KIAA1958: variants seen among roughly 807,000 people sequenced by gnomAD.
KIAA1958 encodes KIAA1958, also known as uncharacterized protein KIAA1958.
A neutral mutation model predicts 47.2 loss-of-function variants in KIAA1958; 14 were observed. The ratio of observed to expected loss-of-function variants is 0.30; its 90% confidence interval spans 0.20 to 0.46. The LOEUF is 0.46. Among genes scored for constraint, KIAA1958 ranks in the 20% least tolerant of loss-of-function variants. The probability of loss-of-function intolerance (pLI) is 1.00; values close to 1 mark genes in which losing one functional copy is unlikely to be tolerated. For synonymous variants in KIAA1958, 354 were observed against 353.3 expected, an observed-to-expected ratio of 1.00 and a Z score of -0.02; for missense variants, 803 against 909.2, an observed-to-expected ratio of 0.88 and a Z score of 1.50.
intron 2 of KIAA1958, among the ~76,000 whole-genome samples, chr9:112,629,163 T>C (rs1836667976): frequency 6.6e-6 from 1 of 152,278 alleles, no homozygotes; most frequent in African/African-American, 2.4e-5. Context: ...GATTTATCAA[T>C]TTAGTCACTA....
At position 112,665,463 on chromosome 9, in the gene KIAA1958, G is replaced by C. The variant is rs1837340790; in HGVS notation, c.*5394G>C. On this transcript the variant is annotated 3_prime_UTR_variant, in exon 4 of 4. Coordinates refer to ENST00000337530, the MANE Select transcript of KIAA1958 (RefSeq NM_133465.4). ...CTGAAAATCTCACCGATAAGTTGGA[G>C]AATTTAAGTTTGTAAGTTGGAGAAT... The C allele has an allele frequency of 6.6e-6, 1 of 152,188 alleles. No individual in the cohort carries two copies. The highest frequency in any genetic ancestry group is 2.4e-5 in the African/African-American group (1 of 41,446). 9.4% of individuals were successfully genotyped at this position (152,188 alleles called of 1,614,324 possible). A position where few individuals can be genotyped will look rare whatever the true frequency, so the allele number is the denominator to read the frequency against.
intron 1 of KIAA1958, among the ~76,000 whole-genome samples, chr9:112,523,161 A>G (rs1375504225): frequency 6.6e-6 from 1 of 152,146 alleles, no homozygotes; most frequent in Non-Finnish European, 1.5e-5. Context: ...TATTACATTC[A>G]AATGCTAGGG....
At chr9:112,627,487 C>T (rs11792981) in intron 2 of KIAA1958, among the ~76,000 whole-genome samples, 7,678 of 152,230 alleles carry the variant, frequency 0.05, 396 homozygotes, top group African/African-American at 0.13. Context: ...GAGGTGGTGA[C>T]TCACACCTGC....
At chr9:112,517,580 A>C (rs1287796276) in intron 1 of KIAA1958, among the ~76,000 whole-genome samples, 6 of 152,206 alleles carry the variant, frequency 3.9e-5, no homozygotes, top group Non-Finnish European at 4.4e-5. Flanking sequence ...ATAACAGTAA[A>C]ATTTGATCAA....
chr9:112,642,776 C>T (rs575718595), intron 2 of KIAA1958, among the ~76,000 whole-genome samples: 2 of 152,338 alleles, frequency 1.3e-5, no homozygotes, highest in East Asian at 1.9e-4. Context: ...CAGCATAACA[C>T]AACTCCTACC....
At chr9:112,593,839 T>TTTTG (rs567216881) in intron 2 of KIAA1958, among the ~76,000 whole-genome samples, 11 of 147,958 alleles carry the variant, frequency 7.4e-5, no homozygotes, top group African/African-American at 2.8e-4. Context: ...ACTTGTCTGT[T>TTTTG]TTTTGTTTTG....
chr9:112,645,193 A>G (rs1836955900), intron 2 of KIAA1958, among the ~76,000 whole-genome samples: 1 of 152,050 alleles, frequency 6.6e-6, no homozygotes, highest in Non-Finnish European at 1.5e-5. Context: ...GATGGCACAC[A>G]AGACATTTGA....
intron 1 of KIAA1958, among the ~76,000 whole-genome samples, chr9:112,513,154 G>A (rs1834350095): frequency 6.8e-6 from 1 of 147,692 alleles, no homozygotes; most frequent in South Asian, 2.2e-4. Flanking sequence ...ACAGGCACAC[G>A]CCACCATGCC....
intron 1 of KIAA1958, among the ~76,000 whole-genome samples, chr9:112,498,697 C>A (rs1182905836): frequency 6.6e-6 from 1 of 152,034 alleles, no homozygotes. Flanking sequence ...TATGTGTATA[C>A]AACGTATAAT....
rs571629826 is a variant in KIAA1958, at chr9:112,660,386, A to AAAAC, written c.*329_*332dup. 6.6e-6 allele frequency: 2 copies of AAAAC among 304,700 alleles called. No homozygotes were observed. The highest frequency in any genetic ancestry group is 5.8e-5 in the East Asian group (1 of 17,154). The allele number at this position is 304,700 out of a possible 1,614,324, so 18.9% of individuals were successfully genotyped here. A position where few individuals can be genotyped will look rare whatever the true frequency, so the allele number is the denominator to read the frequency against. ...GTGCCTTTCTAGCACAGGTTTTCTC[A>AAAAC]AAACAAACAAACAAAAAAGGAAACT... On this transcript the variant is annotated 3_prime_UTR_variant, in exon 4 of 4. Coordinates refer to ENST00000337530, the MANE Select transcript of KIAA1958 (RefSeq NM_133465.4).
chr9:112,539,643 T>C (rs778008557), intron 1 of KIAA1958, among the ~76,000 whole-genome samples: 1 of 151,862 alleles, frequency 6.6e-6, no homozygotes, highest in Non-Finnish European at 1.5e-5. Context: ...TATGAATTTA[T>C]AAAAAACCAT....
chr9:112,549,570 G>A (rs1408572977), intron 1 of KIAA1958, among the ~76,000 whole-genome samples: 1 of 152,200 alleles, frequency 6.6e-6, no homozygotes, highest in Non-Finnish European at 1.5e-5. Context: ...GGAGCTGAAA[G>A]TATAATGATT....
chr9:112,535,767 C>CT lies in KIAA1958; in HGVS notation c.-24-38281dup, dbSNP rs200073688. On this transcript the variant is annotated intron_variant, in intron 1 of 3. Coordinates refer to ENST00000337530, the MANE Select transcript of KIAA1958 (RefSeq NM_133465.4). ...CTGTCTTTCATCCTTTTTGATGTAG[C>CT]TTTTTTTTTAACAGGCATGAGATAT... 8.5e-4 allele frequency among the ~76,000 whole-genome samples: 128 copies of CT among 150,860 alleles called. 1 individual carries two copies. Among genetic ancestry groups the CT allele is most frequent in the African/African-American group, 2.5e-3 (102 of 41,160 alleles).
chr9:112,497,067 T>A (rs1834060605), intron 1 of KIAA1958, among the ~76,000 whole-genome samples: 1 of 152,224 alleles, frequency 6.6e-6, no homozygotes, highest in African/African-American at 2.4e-5. Flanking sequence ...TAATTGTAGA[T>A]TCACTTACAG....
At chr9:112,530,889 G>A (rs571255274) in intron 1 of KIAA1958, among the ~76,000 whole-genome samples, 62 of 152,220 alleles carry the variant, frequency 4.1e-4, no homozygotes, top group African/African-American at 1.4e-3. Context: ...GCTTTTAGAA[G>A]CCTAGAATTC....
rs1837350556 is a variant in KIAA1958 at position 112,666,327 on chromosome 9, A to G, written c.*6258A>G. The G allele has an allele frequency of 6.6e-6, 1 of 152,170 alleles. No individual in the cohort carries two copies. Among genetic ancestry groups the G allele is most frequent in the Non-Finnish European group, 1.5e-5 (1 of 68,042 alleles). 9.4% of individuals were successfully genotyped at this position (152,170 alleles called of 1,614,324 possible). A position where few individuals can be genotyped will look rare whatever the true frequency, so the allele number is the denominator to read the frequency against. On this transcript the variant is annotated 3_prime_UTR_variant, in exon 4 of 4. Coordinates refer to ENST00000337530, the MANE Select transcript of KIAA1958 (RefSeq NM_133465.4). Reference sequence around the variant, plus strand: ...TTGGAGACTTACAAAGCAATAGGTTATATGAAACTCTGAGATCATCTAGTC... The same window carrying G: ...TTGGAGACTTACAAAGCAATAGGTTGTATGAAACTCTGAGATCATCTAGTC...
intron 1 of KIAA1958, among the ~76,000 whole-genome samples, chr9:112,558,115 C>G (rs1159882045): frequency 6.6e-6 from 1 of 151,952 alleles, no homozygotes; most frequent in East Asian, 1.9e-4. Context: ...GTCCCAGCTA[C>G]TCAGGAGGCT....
chr9:112,566,432 C>T, intron 1 of KIAA1958, among the ~76,000 whole-genome samples: 1 of 152,050 alleles, frequency 6.6e-6, no homozygotes, highest in Non-Finnish European at 1.5e-5. Flanking sequence ...CTTGATTCTG[C>T]CACATTTTTA....
At chr9:112,524,984 C>G (rs1285951419) in intron 1 of KIAA1958, among the ~76,000 whole-genome samples, 1 of 151,998 alleles carries the variant, frequency 6.6e-6, no homozygotes, top group Non-Finnish European at 1.5e-5. Context: ...AGAATAGGCT[C>G]AGTGAGATTC....
Sources: allele counts gnomAD v4.1 joint callset (sites outside exome capture counted in the v4.1 genomes callset), GRCh38; gene constraint gnomAD v4.1.1; transcripts MANE v1.5; gene names NCBI Gene and HGNC (gene_info 2026-07-23, HGNC 2026-07-21).